The following KIF4A variants were observed in gnomAD, a reference collection of about 807,000 sequenced individuals.
The protein encoded by KIF4A is kinesin family member 4A.
Under a neutral mutation model 105.9 loss-of-function variants are expected in KIF4A, and 7 were observed. That is an observed-to-expected ratio of 0.07 (90% CI 0.04 to 0.12). The LOEUF is 0.12. Among genes scored for constraint, KIF4A ranks in the 10% least tolerant of loss-of-function variants. KIF4A has a pLI of 1.00. For synonymous variants in KIF4A, 281 were observed against 331.3 expected, an observed-to-expected ratio of 0.85 and a Z score of 1.65; for missense variants, 558 against 929.2, an observed-to-expected ratio of 0.60 and a Z score of 5.19.
rs1345634557 is a variant in KIF4A, at chrX:70,297,081, G to C, written c.319G>C (p.Glu107Gln). ...GGGAGGTGCATATACTGCAGAGCAA[G>C]AGAATGAACCAACAGTTGGGGTTAT... ...SMGGAYTAEQENEPTVGVIPR... is the reference protein window; with the variant it reads ...SMGGAYTAEQQNEPTVGVIPR... The change falls in exon 4 of 31, where the codon GAG becomes CAG. Residue 107 changes from glutamate (E) to glutamine (Q), a missense_variant. This residue lies in a region of KIF4A where 89 missense variants were observed against 248.8 expected (regional missense o/e 0.36). Coordinates refer to ENST00000374403, the MANE Select transcript of KIF4A (RefSeq NM_012310.5). 8.3e-7 allele frequency: 1 copy of C among 1,211,663 alleles called. No homozygotes were observed. Among genetic ancestry groups the C allele is most frequent in the African/African-American group, 1.7e-5 (1 of 57,924 alleles).
At chrX:70,311,781 C>T (rs760602709) in intron 7 of KIF4A, among the ~76,000 whole-genome samples, 3 of 108,969 alleles carry the variant, frequency 2.8e-5, no homozygotes, top group Middle Eastern at 4.6e-3. Flanking sequence ...AGCAACATAG[C>T]GAGACCCCAC....
intron 15 of KIF4A, among the ~76,000 whole-genome samples, chrX:70,362,957 C>T (rs2086082804): frequency 9.0e-6 from 1 of 111,549 alleles, no homozygotes; most frequent in African/African-American, 3.3e-5. Context: ...AAGTCTCACT[C>T]TCTCGCCCAG....
intron 30 of KIF4A, 24 bp from the exon 31 acceptor site, chrX:70,420,038 C>T: frequency 1.7e-6 from 2 of 1,199,406 alleles, no homozygotes; most frequent in Non-Finnish European, 2.3e-6. Context: ...AAAGTCTATT[C>T]ATACCTGTCT....
chrX:70,391,628 A>T (rs1479041880), intron 20 of KIF4A, among the ~76,000 whole-genome samples: 1 of 108,821 alleles, frequency 9.2e-6, no homozygotes, highest in African/African-American at 3.4e-5. Flanking sequence ...TCCGACTTTT[A>T]CTAGGTTCAA....
chrX:70,297,693 A>G (rs1238554966), intron 4 of KIF4A, among the ~76,000 whole-genome samples: 2 of 111,699 alleles, frequency 1.8e-5, no homozygotes, highest in Admixed American at 1.9e-4. Context: ...GAACAAAACA[A>G]AAATTCTAGC....
chrX:70,300,308 G>A (rs1359830743), intron 5 of KIF4A, among the ~76,000 whole-genome samples: 1 of 111,373 alleles, frequency 9.0e-6, no homozygotes, highest in Non-Finnish European at 1.9e-5. Flanking sequence ...CTATTGTACT[G>A]AGCCAGCACT....
chrX:70,329,280 G>A (rs770241051), intron 7 of KIF4A, 125 bp from the exon 8 acceptor site: 4 of 645,784 alleles, frequency 6.2e-6, no homozygotes, highest in South Asian at 3.5e-5. Context: ...AGATTAAGAA[G>A]TTTTCTCAAG....
intron 20 of KIF4A, among the ~76,000 whole-genome samples, chrX:70,393,858 T>C (rs190385647): frequency 1.3e-4 from 1 of 7,727 alleles, no homozygotes; most frequent in African/African-American, 1.7e-4. Context: ...TCTTTCTTTC[T>C]TTCTTTCTTT....
intron 29 of KIF4A, among the ~76,000 whole-genome samples, 161 bp from the exon 30 acceptor site, chrX:70,419,500 G>A (rs375230296): frequency 8.0e-5 from 9 of 111,839 alleles, no homozygotes; most frequent in African/African-American, 2.6e-4. Context: ...GGGACAGAGC[G>A]TGTCAAACAC....
In KIF4A at chrX:70,417,741, A is replaced by G. The variant is rs183863883; in HGVS notation, c.3256-147A>G. The G allele has an allele frequency of 5.2e-3, 2,060 of 399,156 alleles. 12 individuals are homozygous for G. Among genetic ancestry groups the G allele is most frequent in the Non-Finnish European group, 4.4e-3 (1,022 of 232,563 alleles). 32.9% of individuals were successfully genotyped at this position (399,156 alleles called of 1,213,427 possible). A position where few individuals can be genotyped will look rare whatever the true frequency, so the allele number is the denominator to read the frequency against. On this transcript the variant is annotated intron_variant, in intron 28 of 30. Coordinates refer to ENST00000374403, the MANE Select transcript of KIF4A (RefSeq NM_012310.5). ...TTCTTGGTGATTATTGTTTTCACCA[A>G]AGAAGAGAGGACTAAGGAGATTGAA... is the stretch of plus-strand genomic sequence containing the variant.
chrX:70,377,581 A>AC (rs2086179786), intron 18 of KIF4A, among the ~76,000 whole-genome samples: 1 of 112,478 alleles, frequency 8.9e-6, no homozygotes, highest in African/African-American at 3.2e-5. Context: ...TCCTAGGTGC[A>AC]CATGAAACAT....
intron 7 of KIF4A, among the ~76,000 whole-genome samples, chrX:70,311,365 C>T (rs1365353618): frequency 9.0e-6 from 1 of 110,846 alleles, no homozygotes; most frequent in Non-Finnish European, 1.9e-5. Context: ...TGAGTTCTTC[C>T]TAAGTTGTTT....
At chrX:70,391,482 C>T (rs370956472) in intron 20 of KIF4A, among the ~76,000 whole-genome samples, 77 of 111,896 alleles carry the variant, frequency 6.9e-4, no homozygotes, top group Non-Finnish European at 1.2e-3. Context: ...GGAAAGCATT[C>T]AGTCTTTCAC....
chrX:70,290,808 A>G lies in KIF4A; in HGVS notation c.235+3A>G, dbSNP rs777809696. ...ACTCATAAAAGGTGTATTTAAAGGT[A>G]AGGCGATTTGATTCCTCGAACGTAA... On this transcript the variant is annotated splice_donor_region_variant and intron_variant, in intron 3 of 30. Coordinates refer to ENST00000374403, the MANE Select transcript of KIF4A (RefSeq NM_012310.5). 76 of 1,127,005 alleles carry G rather than the reference A, an allele frequency of 6.7e-5. No individual in the cohort carries two copies. The highest frequency in any genetic ancestry group is 9.0e-5 in the Non-Finnish European group (74 of 819,727). The allele number at this position is 1,127,005 out of a possible 1,213,427, so 92.9% of individuals were successfully genotyped here. A position where few individuals can be genotyped will look rare whatever the true frequency, so the allele number is the denominator to read the frequency against.
intron 4 of KIF4A, 77 bp downstream of exon 4, chrX:70,297,265 C>A: frequency 1.1e-6 from 1 of 887,254 alleles, no homozygotes; most frequent in Non-Finnish European, 1.6e-6. Context: ...CAGGTTTTTC[C>A]TGACATGACT....
intron 7 of KIF4A, among the ~76,000 whole-genome samples, chrX:70,320,358 A>G (rs2085885902): frequency 8.9e-6 from 1 of 112,095 alleles, no homozygotes; most frequent in Non-Finnish European, 1.9e-5. Flanking sequence ...CCCTTTGATC[A>G]AAGGGATACA....
chrX:70,375,516 G>C (rs1014357828), intron 17 of KIF4A, among the ~76,000 whole-genome samples, 168 bp downstream of exon 17: 2 of 111,781 alleles, frequency 1.8e-5, no homozygotes, highest in Non-Finnish European at 1.9e-5. Context: ...TTGTGCTAGT[G>C]GTCATCTAGG....
chrX:70,300,820 G>C (rs1346242403), intron 5 of KIF4A, among the ~76,000 whole-genome samples: 1 of 112,147 alleles, frequency 8.9e-6, no homozygotes, highest in Non-Finnish European at 1.9e-5. Context: ...CTGGAGGTCA[G>C]GGGAGTACTT....
At chrX:70,325,222 A>G (rs2085906413) in intron 7 of KIF4A, among the ~76,000 whole-genome samples, 1 of 112,392 alleles carries the variant, frequency 8.9e-6, no homozygotes, top group Non-Finnish European at 1.9e-5. Flanking sequence ...GTTCAAATGT[A>G]TAACATTAAG....
Sources: allele counts gnomAD v4.1 joint callset (sites outside exome capture counted in the v4.1 genomes callset), GRCh38; gene constraint gnomAD v4.1.1; regional missense constraint gnomAD v4.1.1; transcripts MANE v1.5; gene names NCBI Gene and HGNC (gene_info 2026-07-23, HGNC 2026-07-21).